DNAH17: variants seen among roughly 807,000 people sequenced by gnomAD.
DNAH17 encodes the protein axonemal beta dynein heavy chain 17.
A neutral mutation model predicts 485.6 loss-of-function variants in DNAH17; 376 were observed. That is an observed-to-expected ratio of 0.77 (90% CI 0.71 to 0.84). The LOEUF is 0.84. Among genes scored for constraint, DNAH17 ranks in the 40% least tolerant of loss-of-function variants. DNAH17 has a pLI of 0.00. For synonymous variants in DNAH17, 3,031 were observed against 2,405.9 expected (o/e 1.26, Z -7.60); for missense variants, 6,370 against 5,839.3 (o/e 1.09, Z -2.96).
intron 22 of DNAH17, among the ~76,000 whole-genome samples, chr17:78,529,038 G>A (rs1167634669): frequency 6.6e-6 from 1 of 151,650 alleles, no homozygotes; most frequent in Admixed American, 6.6e-5. Context: ...CTGCCTCCCT[G>A]GTTCAAGCAA....
intron 25 of DNAH17, 108 bp from the exon 26 acceptor site, chr17:78,515,130 G>T: frequency 3.9e-5 from 50 of 1,275,516 alleles, no homozygotes; most frequent in East Asian, 1.0e-4. Flanking sequence ...GCCCAGTGAG[G>T]AATATTTAGA....
Position 78,560,753 on chromosome 17 carries a change from T to C in DNAH17, c.2018A>G (p.Asn673Ser), listed in dbSNP as rs1428576384. 1.3e-6 allele frequency: 2 copies of C among 1,550,734 alleles called. No individual in the cohort carries two copies. Among genetic ancestry groups the C allele is most frequent in the Non-Finnish European group, 1.7e-6 (2 of 1,146,306 alleles). The change falls in exon 13 of 81, where the codon AAC becomes AGC. Residue 673 changes from asparagine to serine, a missense_variant. Coordinates refer to ENST00000389840, the MANE Select transcript of DNAH17 (RefSeq NM_173628.4). Reference protein sequence around the residue: ...RDAASNLIHVNFSKALVAVLR... With the variant: ...RDAASNLIHVSFSKALVAVLR... ...CCTGGCACCCACCGCTTTGCTGAAG[T>C]TGACGTGGATGAGGTTGCTAGCGGC...
chr17:78,492,060 CA>C (rs1286311494), intron 42 of DNAH17, among the ~76,000 whole-genome samples: 2 of 152,090 alleles, frequency 1.3e-5, no homozygotes, highest in East Asian at 1.9e-4. Flanking sequence ...GAAAGCGGGT[CA>C]GGGGTAGGGC....
intron 51 of DNAH17, 149 bp from the exon 52 acceptor site, chr17:78,476,882 G>A: frequency 4.1e-6 from 4 of 974,272 alleles, no homozygotes; most frequent in East Asian, 2.7e-5. Flanking sequence ...GGCCAGGGAA[G>A]CCACTCATCA....
intron 3 of DNAH17, 132 bp from the exon 4 acceptor site, chr17:78,571,914 G>C (rs924338707): frequency 2.4e-6 from 2 of 842,096 alleles, no homozygotes; most frequent in African/African-American, 3.5e-5. Flanking sequence ...CATGTCCCTG[G>C]TGCCTCCAGC....
chr17:78,480,580 G>C, intron 49 of DNAH17, 104 bp downstream of exon 49: 2 of 890,118 alleles, frequency 2.2e-6, no homozygotes, highest in East Asian at 6.1e-5. Context: ...AGAAAATGTC[G>C]GCCTGCAGCC....
chr17:78,503,999 C>CA (rs11369436), intron 31 of DNAH17, among the ~76,000 whole-genome samples: 91,148 of 146,556 alleles, frequency 0.62, 28,180 homozygotes, highest in East Asian at 0.72. Context: ...AACAAATGAA[C>CA]AAAAAAAAAA....
Position 78,437,811 on chromosome 17 carries a change from T to C in DNAH17, c.11863A>G (p.Ser3955Gly). The C allele has an allele frequency of 1.2e-6, 2 of 1,612,430 alleles. No homozygotes were observed. Among genetic ancestry groups the C allele is most frequent in the Non-Finnish European group, 1.7e-6 (2 of 1,179,696 alleles). The change falls in exon 74 of 81, where the codon AGC becomes GGC. Residue 3955 changes from serine (S) to glycine (G), a missense_variant. Physicochemically the swap from Ser to Gly is moderately conservative, Grantham distance 56. Coordinates refer to ENST00000389840, the MANE Select transcript of DNAH17 (RefSeq NM_173628.4). Reference sequence around the variant, plus strand: ...CGGTAGTCCTCATGGCTGCCCGTGCTGTAGTGCTCCAGCTTCTTGTCCAGT... The same window carrying C: ...CGGTAGTCCTCATGGCTGCCCGTGCCGTAGTGCTCCAGCTTCTTGTCCAGT... The part of the protein sequence containing the change: ...GTLDKKLEHY[S>G]TGSHEDYRVF...
rs916657457 is a variant in DNAH17 at position 78,530,564 on chromosome 17, G to T, written c.3115-52C>A. ...GTCATAGCCTGCAAGCCTAGGGGGG[G>T]CGTCAGCACAGGGCCTCAGTCCAGG... On this transcript the variant is annotated intron_variant, in intron 20 of 80. Transcript: ENST00000389840. The T allele has an allele frequency of 1.3e-5, 21 of 1,560,890 alleles. No individual in the cohort carries two copies. In the East Asian group the frequency reaches 1.4e-4, roughly 10 times the overall value.
In DNAH17 at chr17:78,525,133, C is replaced by G. The variant is rs757806475; in HGVS notation, c.3740G>C (p.Gly1247Ala). The G allele has an allele frequency of 6.2e-7, 1 of 1,613,560 alleles. No homozygotes were observed. Among genetic ancestry groups the G allele is most frequent in the Non-Finnish European group, 8.5e-7 (1 of 1,179,780 alleles). The stretch of plus-strand genomic sequence containing the variant: ...GGACTTGGACAGCGCCTCCATGATG[C>G]CTTCCATGGCGGAGATGCTCTTTTG... ...KQQKSISAME[G>A]IMEALSKSGG... Residue 1247 changes from glycine (G) to alanine (A), a missense_variant, in exon 25 of 81, where the codon GGC becomes GCC. Physicochemically the swap from Gly to Ala is moderately conservative, Grantham distance 60 (BLOSUM62 0). Coordinates refer to ENST00000389840, the MANE Select transcript of DNAH17 (RefSeq NM_173628.4).
intron 11 of DNAH17, among the ~76,000 whole-genome samples, chr17:78,564,887 GAAGT>G (rs974461003): frequency 2.0e-5 from 3 of 152,004 alleles, no homozygotes; most frequent in African/African-American, 4.8e-5. Context: ...TGGAAGGAAG[GAAGT>G]GAGGACCCTG....
chr17:78,555,353 G>A (rs947288836), intron 14 of DNAH17, among the ~76,000 whole-genome samples: 6 of 151,968 alleles, frequency 3.9e-5, no homozygotes, highest in African/African-American at 1.2e-4. Context: ...TAGTGTGCTC[G>A]TGACTAAATC....
intron 69 of DNAH17, 40 bp downstream of exon 69, chr17:78,449,374 G>C: frequency 6.6e-7 from 1 of 1,520,326 alleles, no homozygotes; most frequent in African/African-American, 1.4e-5. Context: ...GACACCGCTG[G>C]TCCACGGACC....
At chr17:78,548,296 C>T (rs1479111339) in intron 16 of DNAH17, among the ~76,000 whole-genome samples, 4 of 147,906 alleles carry the variant, frequency 2.7e-5, no homozygotes, top group African/African-American at 9.9e-5. Context: ...GCTCCGCCTC[C>T]TGGGTTCACA....
chr17:78,569,011 C>G (rs2092311259), intron 9 of DNAH17, among the ~76,000 whole-genome samples, 155 bp downstream of exon 9: 1 of 152,044 alleles, frequency 6.6e-6, no homozygotes, highest in Admixed American at 6.5e-5. Flanking sequence ...GATGCTGCCG[C>G]AAAGCCTTGG....
chr17:78,445,308 ACT>A lies in DNAH17; in HGVS notation c.11334+248_11334+249del, dbSNP rs1467778921. On this transcript the variant is annotated intron_variant, in intron 70 of 80. Coordinates refer to ENST00000389840, the MANE Select transcript of DNAH17 (RefSeq NM_173628.4). ...CCTCTTCTGGCCCCCAGAGGATATC[ACT>A]CTCTGCTTGCTGTGTGCAGGTCTCA... is the stretch of plus-strand genomic sequence containing the variant. 4.6e-5 allele frequency among the ~76,000 whole-genome samples: 7 copies of A among 151,760 alleles called. No homozygotes were observed. In the East Asian group the frequency reaches 9.7e-4, roughly 21 times the overall value.
chr17:78,543,900 G>A lies in DNAH17; in HGVS notation c.2489C>T (p.Ala830Val). 6.2e-7 allele frequency: 1 copy of A among 1,614,060 alleles called. No individual in the cohort carries two copies. Among genetic ancestry groups the A allele is most frequent in the South Asian group, 1.1e-5 (1 of 91,088 alleles). Reference sequence around the variant, plus strand: ...CTTCACTCCAGCATCCCTGACTGCTGCGTAGCGCTTGTTGAGGTTGGCAAT... The same window carrying A: ...CTTCACTCCAGCATCCCTGACTGCTACGTAGCGCTTGTTGAGGTTGGCAAT... Reference protein sequence around the residue: ...GRIANLNKRYAAVRDAGVKIQ... With the variant: ...GRIANLNKRYVAVRDAGVKIQ... Residue 830 changes from alanine to valine, a missense_variant, in exon 17 of 81, where the codon GCA (alanine) becomes GTA (valine). Coordinates refer to ENST00000389840, the MANE Select transcript of DNAH17 (RefSeq NM_173628.4).
At chr17:78,507,178 T>C in intron 29 of DNAH17, 100 bp downstream of exon 29, 1 of 1,399,598 alleles carries the variant, frequency 7.1e-7, no homozygotes, top group South Asian at 1.3e-5. Context: ...TTTTGCCCTG[T>C]CCTGGCCAGC....
Position 78,466,780 on chromosome 17 carries a change from G to C in DNAH17, c.8815C>G (p.Arg2939Gly). Residue 2939 changes from arginine to glycine, a missense_variant, in exon 56 of 81, where the codon CGG becomes GGG. Transcript: ENST00000389840. ...LCFSPVGSVL[R>G]VRARKFPAVV... ...GCTGGGAACTTTCTGGCTCGTACCCGCAGCACGGAGCCCACAGGGGAGAAA... is the reference window on the plus strand; with the variant it reads ...GCTGGGAACTTTCTGGCTCGTACCCCCAGCACGGAGCCCACAGGGGAGAAA... 1 of 1,603,072 alleles carries C rather than the reference G, an allele frequency of 6.2e-7. No homozygotes were observed. The highest frequency in any genetic ancestry group is 8.5e-7 in the Non-Finnish European group (1 of 1,175,104).
Sources: gnomAD v4.1 joint callset for allele counts (sites outside exome capture counted in the v4.1 genomes callset) on GRCh38, gnomAD v4.1.1 for gene constraint, MANE v1.5 for transcripts, NCBI Gene and HGNC (gene_info 2026-07-23, HGNC 2026-07-21) for gene names.